Variants in PRSS22 observed in about 807,000 individuals in gnomAD.
The protein encoded by PRSS22 is brain-specific serine protease 4.
Under a neutral mutation model 28.0 loss-of-function variants are expected in PRSS22, and 26 were observed. The observed-to-expected ratio is 0.93, with a 90% CI of 0.68 to 1.29. The LOEUF (loss-of-function observed/expected upper bound fraction) is 1.29. Ranked by LOEUF, PRSS22 falls within the 50% of genes most tolerant of loss-of-function variation. The pLI is 0.00. For synonymous variants in PRSS22, 217 were observed against 177.9 expected (o/e 1.22, Z -1.75); for missense variants, 444 against 422.1 (o/e 1.05, Z -0.46).
At chr16:2,856,695 C>T in intron 2 of PRSS22, 127 bp downstream of exon 2, 1 of 1,115,216 alleles carries the variant, frequency 9.0e-7, no homozygotes, top group Non-Finnish European at 1.3e-6. Context: ...CTCCCTTCCC[C>T]TCTAGCTCTT....
In PRSS22 at chr16:2,853,374, T is replaced by C; in HGVS notation, c.718-45A>G. 1 of 1,514,470 alleles carries C rather than the reference T, an allele frequency of 6.6e-7. No homozygotes were observed. Among genetic ancestry groups the C allele is most frequent in the Non-Finnish European group, 8.9e-7 (1 of 1,117,780 alleles). 93.8% of individuals were successfully genotyped at this position (1,514,470 alleles called of 1,614,324 possible). A position where few individuals can be genotyped will look rare whatever the true frequency, so the allele number is the denominator to read the frequency against. On this transcript the variant is annotated intron_variant, in intron 5 of 5. Transcript: ENST00000161006. This position sits in a 1 kb window ranked among gnomAD's most constrained non-coding sequence, Gnocchi z 4.6. The stretch of plus-strand genomic sequence containing the variant: ...TTAGGAACCCCCGTGGCACAGGGGG[T>C]GGCAGAATCCAGGGCCCGTGCCCTG...
intron 1 of PRSS22, 154 bp from the exon 2 acceptor site, chr16:2,857,002 G>T: frequency 1.1e-6 from 1 of 874,400 alleles, no homozygotes; most frequent in Non-Finnish European, 1.8e-6. Flanking sequence ...CAGTGAGGAG[G>T]GTCCCTCAGC....
In PRSS22 at chr16:2,853,075, C is replaced by T. The variant is rs1257681470; in HGVS notation, c.*18G>A. ...ATCTGGCCGCCTTTCAGATCCGAGC[C>T]CCGCGTCCCGCTGCGCCCTAGGAGC... On this transcript the variant is annotated 3_prime_UTR_variant, in exon 6 of 6. Coordinates refer to ENST00000161006, the MANE Select transcript of PRSS22 (RefSeq NM_022119.4). This position sits in a 1 kb window ranked among gnomAD's most constrained non-coding sequence, Gnocchi z 4.6. 1.3e-6 allele frequency: 2 copies of T among 1,505,870 alleles called. No homozygotes were observed. The highest frequency in any genetic ancestry group is 2.0e-5 in the Admixed American group (1 of 51,274). The allele number at this position is 1,505,870 out of a possible 1,614,324, so 93.3% of individuals were successfully genotyped here. A position where few individuals can be genotyped will look rare whatever the true frequency, so the allele number is the denominator to read the frequency against.
chr16:2,856,741 C>T, intron 2 of PRSS22, 81 bp downstream of exon 2: 1 of 1,502,842 alleles, frequency 6.7e-7, no homozygotes, highest in Non-Finnish European at 9.1e-7. Context: ...TGACCTGTGC[C>T]CAGGGGACGG....
chr16:2,853,816 C>G lies in PRSS22; in HGVS notation c.717+49G>C, dbSNP rs1176521704. 6.2e-7 allele frequency: 1 copy of G among 1,603,390 alleles called. No individual in the cohort carries two copies. The highest frequency in any genetic ancestry group is 8.5e-7 in the Non-Finnish European group (1 of 1,175,778). On this transcript the variant is annotated intron_variant, in intron 5 of 5. Coordinates refer to ENST00000161006, the MANE Select transcript of PRSS22 (RefSeq NM_022119.4). The surrounding 1 kb of genome is among the most constrained non-coding windows in gnomAD (Gnocchi z 4.6). ...AGTGGGGACAGGACTGACGCTGGCT[C>G]CTTCCCGAGGCCCTCCTGGCCAGGG...
chr16:2,854,917 C>T (rs909238769), intron 4 of PRSS22, among the ~76,000 whole-genome samples: 2 of 152,184 alleles, frequency 1.3e-5, no homozygotes, highest in Non-Finnish European at 2.9e-5. Context: ...TGTTCCCACT[C>T]TGGAATCAGG....
Position 2,856,227 on chromosome 16 carries a change from G to A in PRSS22, c.136C>T (p.Gln46Ter), listed in dbSNP as rs1395941474. ...PVPPACGKPQQLNRVVGGEDS... is the reference protein window; with the variant it reads ...PVPPACGKPQ ...TCGCCGCCCACAACCCGGTTCAGCT[G>A]CTGGGGCTTCCCACAGGCTGGGGGA... The change falls in exon 3 of 6, where the codon CAG (glutamine) becomes TAG (stop). Residue 46 changes from glutamine to a stop codon, truncating the protein, a stop_gained. Transcript: ENST00000161006. LOFTEE classifies it high-confidence loss of function. 1 of 1,613,632 alleles carries A rather than the reference G, an allele frequency of 6.2e-7. No individual in the cohort carries two copies. Among genetic ancestry groups the A allele is most frequent in the South Asian group, 1.1e-5 (1 of 91,062 alleles).
At position 2,855,806 on chromosome 16, in the gene PRSS22, C is replaced by T; in HGVS notation, c.327G>A (p.Trp109Ter). 6.2e-7 allele frequency: 1 copy of T among 1,613,758 alleles called. No homozygotes were observed. Among genetic ancestry groups the T allele is most frequent in the Non-Finnish European group, 8.5e-7 (1 of 1,180,004 alleles). Residue 109 changes from tryptophan to a stop codon, truncating the protein, a stop_gained, in exon 4 of 6, where the codon TGG (tryptophan) becomes TGA (stop). Coordinates refer to ENST00000161006, the MANE Select transcript of PRSS22 (RefSeq NM_022119.4). LOFTEE classifies it high-confidence loss of function. ...ACCGAGAGCCAGGGTTCCCCAGCTG[C>T]CAGGCCCCCAGCAGCACAGAGAACA... ...PYLFSVLLGAWQLGNPGSRSQ... is the reference protein window; with the variant it reads ...PYLFSVLLGA
chr16:2,856,301 C>A, intron 2 of PRSS22, 48 bp from the exon 3 acceptor site: 1 of 1,591,678 alleles, frequency 6.3e-7, no homozygotes, highest in South Asian at 1.1e-5. Flanking sequence ...CTACAACCCA[C>A]CCCCGGAATC....
Position 2,853,035 on chromosome 16 carries a change from CAGATCCAGATGTGG to C in PRSS22, c.*44_*57del. On this transcript the variant is annotated 3_prime_UTR_variant, in exon 6 of 6. Transcript: ENST00000161006. This position sits in a 1 kb window ranked among gnomAD's most constrained non-coding sequence, Gnocchi z 4.6. ...AAACCGCCCGAGGCCGCCGCAGATC[CAGATCCAGATGTGG>C]ATCTGGCCGCCTTTCAGATCCGAGC... 6.6e-6 allele frequency: 8 copies of C among 1,203,096 alleles called. No homozygotes were observed. The South Asian group carries it at 1.2e-4, about 18-fold the overall frequency. The allele number at this position is 1,203,096 out of a possible 1,614,324, so 74.5% of individuals were successfully genotyped here.
At chr16:2,857,770 A>G (rs1268889530) in intron 1 of PRSS22, 1 of 362,918 alleles carries the variant, frequency 2.8e-6, no homozygotes, top group African/African-American at 2.1e-5. Flanking sequence ...CACGGAGGCG[A>G]GAGGGAGCAG....
chr16:2,857,026 G>A (rs1253824835), intron 1 of PRSS22, 178 bp from the exon 2 acceptor site: 9 of 704,002 alleles, frequency 1.3e-5, no homozygotes, highest in Middle Eastern at 3.8e-4. Context: ...CAGTGAGGAG[G>A]GGTCCCAGCA....
chr16:2,853,918 T>A lies in PRSS22; in HGVS notation c.664A>T (p.Thr222Ser). The A allele has an allele frequency of 6.2e-7, 1 of 1,614,052 alleles. No individual in the cohort carries two copies. Among genetic ancestry groups the A allele is most frequent in the Non-Finnish European group, 8.5e-7 (1 of 1,180,006 alleles). The change falls in exon 5 of 6, where the codon ACT becomes TCT. Residue 222 changes from threonine to serine, a missense_variant. Transcript: ENST00000161006. The surrounding 1 kb of genome is among the most constrained non-coding windows in gnomAD (Gnocchi z 4.6). Reference protein sequence around the residue: ...YWRGAGQGPITEDMLCAGYLE... With the variant: ...YWRGAGQGPISEDMLCAGYLE... Reference sequence around the variant, plus strand: ...TAGCCGGCACACAGCATGTCCTCAGTGATGGGTCCCTGTCCTGCTCCCCGC... The same window carrying A: ...TAGCCGGCACACAGCATGTCCTCAGAGATGGGTCCCTGTCCTGCTCCCCGC...
Position 2,855,365 on chromosome 16 carries a change from A to AAG in PRSS22, c.559+208_559+209insCT, listed in dbSNP as rs545906023. On this transcript the variant is annotated intron_variant, in intron 4 of 5. Transcript: ENST00000161006. ...CCTGTCTCAAAAAAAAAAAAAAAAAAAAGAAGAAGAAGAAAGAAAAGAAAA... is the reference window on the plus strand; with the variant it reads ...CCTGTCTCAAAAAAAAAAAAAAAAAAAGAAGAAGAAGAAGAAAGAAAAGAAAA... 1.1e-3 allele frequency among the ~76,000 whole-genome samples: 151 copies of AAG among 134,608 alleles called. 1 individual carries two copies. Among genetic ancestry groups the AAG allele is most frequent in the South Asian group, 2.6e-3 (11 of 4,218 alleles). The allele number at this position is 134,608 out of a possible 152,430, so 88.3% of individuals were successfully genotyped here. A position where few individuals can be genotyped will look rare whatever the true frequency, so the allele number is the denominator to read the frequency against.
At chr16:2,856,795 C>T (rs1405573042) in intron 2 of PRSS22, 27 bp downstream of exon 2, 1 of 1,551,714 alleles carries the variant, frequency 6.4e-7, no homozygotes, top group East Asian at 2.4e-5. Context: ...CCTTCTCCCT[C>T]CCGTCAGAGC....
chr16:2,856,720 C>G, intron 2 of PRSS22, 102 bp downstream of exon 2: 1 of 1,378,436 alleles, frequency 7.3e-7, no homozygotes, highest in Non-Finnish European at 1.0e-6. Context: ...CCTCTCACCC[C>G]AGCCCCTTTC....
intron 1 of PRSS22, 133 bp downstream of exon 1, chr16:2,857,890 G>A: frequency 1.6e-6 from 1 of 611,680 alleles, no homozygotes; most frequent in Non-Finnish European, 2.4e-6. Context: ...AGCAGTTAAG[G>A]AGCAAGAGAT....
At chr16:2,855,183 A>G (rs1420046121) in intron 4 of PRSS22, among the ~76,000 whole-genome samples, 1 of 151,824 alleles carries the variant, frequency 6.6e-6, no homozygotes, top group Non-Finnish European at 1.5e-5. Context: ...CCCTGTCTCT[A>G]CAAAAAATAC....
chr16:2,855,700 C>T lies in PRSS22; in HGVS notation c.433G>A (p.Val145Met). ...AACTGTATGGAGCGCTCGAGACGCA[C>T]CAGGGCAATGTCTGCACAGGCACCT... ...KEGACADIAL[V>M]RLERSIQFSE... The change falls in exon 4 of 6, where the codon GTG (valine) becomes ATG (methionine). Residue 145 changes from valine to methionine, a missense_variant. Val to Met is a conservative substitution (Grantham distance 21). Coordinates refer to ENST00000161006, the MANE Select transcript of PRSS22 (RefSeq NM_022119.4). The T allele has an allele frequency of 1.9e-6, 3 of 1,614,216 alleles. No individual in the cohort carries two copies. The highest frequency in any genetic ancestry group is 2.5e-6 in the Non-Finnish European group (3 of 1,180,044).
Sources: allele counts gnomAD v4.1 joint callset (sites outside exome capture counted in the v4.1 genomes callset), GRCh38; gene constraint gnomAD v4.1.1; non-coding constraint Gnocchi (gnomAD v3.1); transcripts MANE v1.5; gene names NCBI Gene and HGNC (gene_info 2026-07-23, HGNC 2026-07-21).